TSPAN16: variants seen among roughly 807,000 people sequenced by gnomAD.
TSPAN16 encodes the protein tetraspanin 16, also known as tetraspanin-16.
A neutral mutation model predicts 25.2 loss-of-function variants in TSPAN16; 23 were observed. That is an observed-to-expected ratio of 0.91 (90% CI 0.66 to 1.29). The LOEUF (loss-of-function observed/expected upper bound fraction) is 1.29, where lower values mean the gene tolerates loss of function less well. Among genes scored for constraint, TSPAN16 ranks in the 50% most tolerant of loss-of-function variants. The pLI is 0.00. For missense variants in TSPAN16, 272 were observed against 299.9 expected (o/e 0.91, Z 0.69); for synonymous variants, 123 against 124.4 (o/e 0.99, Z 0.08).
At chr19:11,320,684 A>G (rs1456923530), downstream of TSPAN16, among the ~76,000 whole-genome samples, 1 of 151,800 alleles carries the variant, frequency 6.6e-6, no homozygotes, top group East Asian at 1.9e-4. Context: ...AAAAAAAAAA[A>G]AAAGAAAAGA....
chr19:11,307,413 C>T (rs1399021442), intron 5 of TSPAN16, among the ~76,000 whole-genome samples: 9 of 151,418 alleles, frequency 5.9e-5, no homozygotes, highest in African/African-American at 1.9e-4. Context: ...AGCCACCACA[C>T]CCGGCCTTAT....
intron 4 of TSPAN16, among the ~76,000 whole-genome samples, chr19:11,302,668 T>TAC: frequency 1.4e-5 from 1 of 72,984 alleles, no homozygotes; most frequent in African/African-American, 7.4e-5. Context: ...TACATATATA[T>TAC]ATATATATAT....
At chr19:11,297,841 G>A (rs2080495686) in intron 1 of TSPAN16, among the ~76,000 whole-genome samples, 1 of 152,082 alleles carries the variant, frequency 6.6e-6, no homozygotes, top group African/African-American at 2.4e-5. Flanking sequence ...ATCCAGGCTG[G>A]AGTACAGTGG....
intron 6 of TSPAN16, chr19:11,326,671 A>G (rs1023918062): frequency 1.6e-5 from 10 of 634,620 alleles, no homozygotes; most frequent in Non-Finnish European, 2.5e-5. Flanking sequence ...TGGTATGAAC[A>G]TGGCTCATTG....
chr19:11,318,100 C>T (rs909696988), downstream of TSPAN16, among the ~76,000 whole-genome samples: 3 of 151,972 alleles, frequency 2.0e-5, no homozygotes, highest in African/African-American at 7.3e-5. Flanking sequence ...GATCTCGGCT[C>T]ACTGCGAGCT....
At chr19:11,312,972 C>A (rs1248591534) in intron 6 of TSPAN16, among the ~76,000 whole-genome samples, 1 of 151,936 alleles carries the variant, frequency 6.6e-6, no homozygotes, top group Non-Finnish European at 1.5e-5. Context: ...CATAAACTAC[C>A]AAAACTGACT....
At chr19:11,307,316 C>T (rs1265036336) in intron 5 of TSPAN16, among the ~76,000 whole-genome samples, 3 of 149,078 alleles carry the variant, frequency 2.0e-5, no homozygotes, top group African/African-American at 7.4e-5. Flanking sequence ...GATGGGGTTT[C>T]CTCATGTTGG....
intron 4 of TSPAN16, among the ~76,000 whole-genome samples, chr19:11,302,660 CATATATATATATATATAT>C (rs772111584): frequency 2.7e-4 from 26 of 97,848 alleles, no homozygotes; most frequent in African/African-American, 1.3e-3. Flanking sequence ...TATACACATA[CATATATATATATATATAT>C]ACACACACAC....
At chr19:11,302,384 C>T (rs147567233) in intron 4 of TSPAN16, among the ~76,000 whole-genome samples, 1 of 151,246 alleles carries the variant, frequency 6.6e-6, no homozygotes, top group Non-Finnish European at 1.5e-5. Flanking sequence ...CAAACATTAG[C>T]CAGGCATGGT....
intron 4 of TSPAN16, among the ~76,000 whole-genome samples, chr19:11,302,644 T>TAC (rs1165938632): frequency 7.6e-6 from 1 of 131,104 alleles, no homozygotes; most frequent in African/African-American, 3.3e-5. Flanking sequence ...CACACATACA[T>TAC]ATATATATAC....
At chr19:11,303,576 T>TAA (rs2080592260) in intron 4 of TSPAN16, among the ~76,000 whole-genome samples, 11 of 74,536 alleles carry the variant, frequency 1.5e-4, no homozygotes, top group Non-Finnish European at 1.9e-4. Flanking sequence ...AATAAATAAA[T>TAA]TAAAAAAAAA....
chr19:11,304,952 C>T (rs1214428357), intron 4 of TSPAN16, among the ~76,000 whole-genome samples: 2 of 151,756 alleles, frequency 1.3e-5, no homozygotes, highest in South Asian at 2.1e-4. Context: ...CGCCCAGCTT[C>T]ATTTATTAAA....
intron 4 of TSPAN16, among the ~76,000 whole-genome samples, chr19:11,302,667 A>ATATTT (rs1555703600): frequency 8.0e-6 from 1 of 124,822 alleles, no homozygotes; most frequent in African/African-American, 4.0e-5. Context: ...ATACATATAT[A>ATATTT]TATATATATA....
chr19:11,307,843 T>TA (rs1473826224), intron 5 of TSPAN16: 4 of 152,232 alleles, frequency 2.6e-5, no homozygotes, highest in African/African-American at 9.7e-5. Flanking sequence ...AGCAGGGACT[T>TA]ACGGTTACCT....
downstream of TSPAN16, among the ~76,000 whole-genome samples, chr19:11,319,334 T>G (rs973020484): frequency 6.6e-6 from 1 of 152,138 alleles, no homozygotes; most frequent in Non-Finnish European, 1.5e-5. Flanking sequence ...GCGCAGTGGC[T>G]TATGCCTGTA....
At chr19:11,312,067 T>G (rs1028035610) in intron 5 of TSPAN16, 72 bp from the exon 6 acceptor site, 12 of 1,161,932 alleles carry the variant, frequency 1.0e-5, no homozygotes, top group Admixed American at 3.9e-5. Context: ...CCTAATGAGT[T>G]GGGGTTGATG....
chr19:11,319,916 G>A (rs1004083079), downstream of TSPAN16, among the ~76,000 whole-genome samples: 2 of 152,158 alleles, frequency 1.3e-5, no homozygotes, highest in African/African-American at 2.4e-5. Context: ...CCGGGTTCAC[G>A]CCATTCTCCT....
At chr19:11,322,711 C>A (rs1176350408) in intron 6 of TSPAN16, 4 of 152,166 alleles carry the variant, frequency 2.6e-5, no homozygotes, top group Non-Finnish European at 4.4e-5. Context: ...TTGAGAGAAT[C>A]CTGAGGCAGC....
At chr19:11,314,050 C>T (rs561849046) in intron 6 of TSPAN16, among the ~76,000 whole-genome samples, 35 of 152,164 alleles carry the variant, frequency 2.3e-4, no homozygotes, top group African/African-American at 7.9e-4. Context: ...TATGCTACAA[C>T]GTGGATGACC....
Sources: gnomAD v4.1 joint callset for allele counts (sites outside exome capture counted in the v4.1 genomes callset) on GRCh38, gnomAD v4.1.1 for gene constraint, MANE v1.5 for transcripts, NCBI Gene and HGNC (gene_info 2026-07-23, HGNC 2026-07-21) for gene names.